MYO9B: variants seen among roughly 807,000 people sequenced by gnomAD.
MYO9B encodes the protein unconventional myosin-IXb.
A neutral mutation model predicts 229.5 loss-of-function variants in MYO9B; 71 were observed. The observed-to-expected ratio is 0.31, with a 90% CI of 0.26 to 0.38. The LOEUF (loss-of-function observed/expected upper bound fraction) is 0.38, where lower values mean the gene tolerates loss of function less well. Among genes scored for constraint, MYO9B ranks in the 10% least tolerant of loss-of-function variants. The probability of loss-of-function intolerance (pLI) is 1.00; values close to 1 mark genes in which losing one functional copy is unlikely to be tolerated. For missense variants in MYO9B, 2,255 were observed against 2,920.5 expected, an observed-to-expected ratio of 0.77 and a Z score of 5.25; for synonymous variants, 1,185 against 1,235.8, an observed-to-expected ratio of 0.96 and a Z score of 0.86.
rs3786513 is a variant in MYO9B at position 17,173,313 on chromosome 19, T to A, written c.2140+350T>A. On this transcript the variant is annotated intron_variant, in intron 13 of 39. Transcript: ENST00000682292. Reference sequence around the variant, plus strand: ...TGCTCTTTTTTTTTTTTTTTTTTTTTAGAGACAGGGTCTCTCTCTCTCTCT... The same window carrying A: ...TGCTCTTTTTTTTTTTTTTTTTTTTAAGAGACAGGGTCTCTCTCTCTCTCT... Among the ~76,000 whole-genome samples the A allele has an allele frequency of 8.3e-3, 1,045 of 125,778 alleles. 38 individuals carry two copies. Among genetic ancestry groups the A allele is most frequent in the Middle Eastern group, 0.016 (4 of 256 alleles). The allele number at this position is 125,778 out of a possible 152,430, so 82.5% of individuals were successfully genotyped here.
intron 2 of MYO9B, among the ~76,000 whole-genome samples, chr19:17,119,028 A>G (rs529382771): frequency 1.3e-5 from 2 of 152,206 alleles, no homozygotes; most frequent in Admixed American, 6.5e-5. Context: ...AGAATTTACC[A>G]GCTCCAGGAG....
intron 8 of MYO9B, among the ~76,000 whole-genome samples, chr19:17,160,510 C>CTTT (rs34857957): frequency 0.046 from 5,951 of 128,094 alleles, 242 homozygotes; most frequent in African/African-American, 0.061. Context: ...TCTTTTTTTT[C>CTTT]TTTTTTTTTT....
At chr19:17,138,199 C>G (rs1256876690) in intron 2 of MYO9B, among the ~76,000 whole-genome samples, 1 of 152,052 alleles carries the variant, frequency 6.6e-6, no homozygotes, top group African/African-American at 2.4e-5. Context: ...TGGTTTCCAG[C>G]TTCATCCATG....
intron 1 of MYO9B, among the ~76,000 whole-genome samples, chr19:17,076,602 G>T (rs1013454548): frequency 2.0e-5 from 3 of 152,044 alleles, no homozygotes; most frequent in African/African-American, 7.3e-5. Flanking sequence ...CTCCCCTCTT[G>T]ATTCGTGTCC....
At chr19:17,107,691 G>A (rs1177100122) in intron 2 of MYO9B, among the ~76,000 whole-genome samples, 2 of 152,180 alleles carry the variant, frequency 1.3e-5, no homozygotes, top group Non-Finnish European at 1.5e-5. Context: ...CTGTGGCCAC[G>A]TCACATCAGT....
chr19:17,166,135 C>CA (rs1483450987), intron 10 of MYO9B, among the ~76,000 whole-genome samples: 1 of 152,074 alleles, frequency 6.6e-6, no homozygotes, highest in Non-Finnish European at 1.5e-5. Flanking sequence ...CTCCACCTCC[C>CA]AGGTTCTAGT....
In MYO9B at chr19:17,172,832, A is replaced by G; in HGVS notation, c.2009A>G (p.Tyr670Cys). 1 of 1,612,216 alleles carries G rather than the reference A, an allele frequency of 6.2e-7. No homozygotes were observed. Among genetic ancestry groups the G allele is most frequent in the Non-Finnish European group, 8.5e-7 (1 of 1,179,828 alleles). The change falls in exon 13 of 40, where the codon TAC (tyrosine) becomes TGC (cysteine). Residue 670 changes from tyrosine (Y) to cysteine (C), a missense_variant. By Grantham distance (194) the Tyr-to-Cys change is radical. Coordinates refer to ENST00000682292, the MANE Select transcript of MYO9B (RefSeq NM_004145.4). This position sits in a 1 kb window ranked among gnomAD's most constrained non-coding sequence, Gnocchi z 8.2. ...CTGCTGCGGGGCAGTGACAGCTCCTACGTGCGGGAGCTCATCGGCATGGAC... is the reference window on the plus strand; with the variant it reads ...CTGCTGCGGGGCAGTGACAGCTCCTGCGTGCGGGAGCTCATCGGCATGGAC... ...VALLRGSDSS[Y>C]VRELIGMDPV...
chr19:17,212,386 G>C lies in MYO9B; in HGVS notation c.*76G>C. ...GCTGGGCGCCAGAGCTGCAGAGCTA[G>C]TGTTCGGCCCTCAGAGAAGGATCCA... is the stretch of plus-strand genomic sequence containing the variant. On this transcript the variant is annotated 3_prime_UTR_variant, in exon 40 of 40. Coordinates refer to ENST00000682292, the MANE Select transcript of MYO9B (RefSeq NM_004145.4). This position sits in a 1 kb window ranked among gnomAD's most constrained non-coding sequence, Gnocchi z 5.4. The C allele has an allele frequency of 7.2e-7, 1 of 1,385,510 alleles. No homozygotes were observed. The highest frequency in any genetic ancestry group is 1.6e-5 in the South Asian group (1 of 64,316). 85.8% of individuals were successfully genotyped at this position (1,385,510 alleles called of 1,614,324 possible). A position where few individuals can be genotyped will look rare whatever the true frequency, so the allele number is the denominator to read the frequency against.
At chr19:17,150,316 G>C (rs1039332683) in intron 3 of MYO9B, among the ~76,000 whole-genome samples, 2 of 152,016 alleles carry the variant, frequency 1.3e-5, no homozygotes, top group Admixed American at 1.3e-4. Flanking sequence ...GCTGAGGCAG[G>C]AGAATCACTT....
intron 1 of MYO9B, among the ~76,000 whole-genome samples, chr19:17,079,295 A>G (rs1011455032): frequency 5.3e-5 from 8 of 152,296 alleles, no homozygotes; most frequent in African/African-American, 1.9e-4. Context: ...CCATCCAGTC[A>G]GTTCTTAATC....
At chr19:17,097,252 C>T (rs1049491056) in intron 1 of MYO9B, among the ~76,000 whole-genome samples, 4 of 151,002 alleles carry the variant, frequency 2.6e-5, no homozygotes, top group Admixed American at 6.6e-5. Context: ...GCCCAACAGG[C>T]GGAGGTTGCA....
At chr19:17,171,270 A>T (rs2072722135) in intron 11 of MYO9B, among the ~76,000 whole-genome samples, 1 of 152,208 alleles carries the variant, frequency 6.6e-6, no homozygotes, top group Non-Finnish European at 1.5e-5. Flanking sequence ...AACCAACAAC[A>T]TCATTTCCCT....
intron 2 of MYO9B, among the ~76,000 whole-genome samples, chr19:17,135,989 A>G (rs545586174): frequency 3.3e-5 from 5 of 152,148 alleles, no homozygotes; most frequent in Admixed American, 6.5e-5. Flanking sequence ...CCTGCTGCAG[A>G]CACCCCAGGG....
intron 3 of MYO9B, among the ~76,000 whole-genome samples, chr19:17,150,403 G>A (rs1357286242): frequency 6.7e-6 from 1 of 149,258 alleles, no homozygotes; most frequent in African/African-American, 2.5e-5. Flanking sequence ...GTGAGACTCC[G>A]TCTCAAAAAA....
At chr19:17,140,757 G>A (rs1196157720) in intron 2 of MYO9B, among the ~76,000 whole-genome samples, 1 of 150,828 alleles carries the variant, frequency 6.6e-6, no homozygotes, top group East Asian at 2.0e-4. Flanking sequence ...CAAAGTGCTG[G>A]GATTACAGGC....
At chr19:17,143,353 GCTT>G (rs1259307019) in intron 2 of MYO9B, among the ~76,000 whole-genome samples, 1 of 152,148 alleles carries the variant, frequency 6.6e-6, no homozygotes, top group East Asian at 1.9e-4. Context: ...TCTTATCTGG[GCTT>G]CTAAGTGACT....
intron 2 of MYO9B, among the ~76,000 whole-genome samples, chr19:17,115,812 A>G (rs1048746724): frequency 2.6e-5 from 4 of 151,560 alleles, no homozygotes; most frequent in African/African-American, 9.7e-5. Flanking sequence ...CCCTTCCCAA[A>G]TGTAATGAAA....
At chr19:17,153,932 A>G (rs2072509113) in intron 4 of MYO9B, 35 bp from the exon 5 acceptor site, 4 of 1,573,042 alleles carry the variant, frequency 2.5e-6, no homozygotes, top group South Asian at 1.1e-5. Flanking sequence ...TTGGCCTCCA[A>G]AAACAACTAT....
rs185878527 is a variant in MYO9B at position 17,193,111 on chromosome 19, G to A, written c.3128+49G>A. 690 of 1,418,616 alleles carry A rather than the reference G, an allele frequency of 4.9e-4. 3 individuals carry two copies. The African/African-American group carries it at 8.9e-3, about 18-fold the overall frequency. The allele number at this position is 1,418,616 out of a possible 1,614,324, so 87.9% of individuals were successfully genotyped here. A position where few individuals can be genotyped will look rare whatever the true frequency, so the allele number is the denominator to read the frequency against. On this transcript the variant is annotated intron_variant, in intron 21 of 39. Coordinates refer to ENST00000682292, the MANE Select transcript of MYO9B (RefSeq NM_004145.4). The surrounding 1 kb of genome is among the most constrained non-coding windows in gnomAD (Gnocchi z 4.3). ...CTCGGAATATTCCAGAAGCCAAAAA[G>A]GTCACTCACCAAATTGCTGCCCGTG...
Sources: allele counts gnomAD v4.1 joint callset (sites outside exome capture counted in the v4.1 genomes callset), GRCh38; gene constraint gnomAD v4.1.1; non-coding constraint Gnocchi (gnomAD v3.1); transcripts MANE v1.5; gene names NCBI Gene and HGNC (gene_info 2026-07-23, HGNC 2026-07-21).